The following ZDHHC7 variants were observed in gnomAD, a reference collection of about 807,000 sequenced individuals.
ZDHHC7 encodes zDHHC palmitoyltransferase 7.
A neutral mutation model predicts 34.1 loss-of-function variants in ZDHHC7; 12 were observed. The ratio of observed to expected loss-of-function variants is 0.35; its 90% CI spans 0.23 to 0.57. The LOEUF (loss-of-function observed/expected upper bound fraction) is 0.57. ZDHHC7 is among the 20% of genes least tolerant of loss of function. The pLI is 0.84. For missense variants in ZDHHC7, 388 were observed against 402.7 expected, an observed-to-expected ratio of 0.96 and a Z score of 0.31; for synonymous variants, 185 against 155.4, an observed-to-expected ratio of 1.19 and a Z score of -1.42.
intron 7 of ZDHHC7, among the ~76,000 whole-genome samples, chr16:84,976,855 A>C (rs999662855): frequency 6.6e-6 from 1 of 152,214 alleles, no homozygotes; most frequent in African/African-American, 2.4e-5. Context: ...AAATTTACTG[A>C]CTGCACTGGG....
chr16:84,992,928 T>G (rs576591097), intron 2 of ZDHHC7, among the ~76,000 whole-genome samples: 2 of 152,322 alleles, frequency 1.3e-5, no homozygotes, highest in Non-Finnish European at 2.9e-5. Flanking sequence ...CCAAATACTT[T>G]AAAAAATTTC....
At chr16:84,998,007 T>TC (rs1465542499) in intron 1 of ZDHHC7, among the ~76,000 whole-genome samples, 2 of 143,534 alleles carry the variant, frequency 1.4e-5, no homozygotes, top group Non-Finnish European at 3.0e-5. Context: ...GGGTCTGTAA[T>TC]CCCAGTACTT....
At chr16:85,011,669 T>G (rs1164638909), upstream of ZDHHC7, 4 of 152,266 alleles carry the variant, frequency 2.6e-5, no homozygotes, top group Middle Eastern at 0.01. Context: ...AAAGGCAGCT[T>G]TTAGTCACAG....
chr16:85,003,914 C>G (rs192999976), intron 1 of ZDHHC7, among the ~76,000 whole-genome samples: 26 of 152,280 alleles, frequency 1.7e-4, no homozygotes, highest in African/African-American at 6.3e-4. Context: ...TGACTGGATA[C>G]TTCTCCTCCA....
intron 1 of ZDHHC7, among the ~76,000 whole-genome samples, chr16:85,006,827 C>T (rs539070219): frequency 3.9e-5 from 6 of 152,274 alleles, no homozygotes; most frequent in African/African-American, 1.4e-4. Context: ...GCTCTCCCAA[C>T]CTTTCCAGGC....
intron 3 of ZDHHC7, among the ~76,000 whole-genome samples, chr16:84,982,522 T>C (rs1597535333): frequency 6.6e-6 from 1 of 152,316 alleles, no homozygotes; most frequent in East Asian, 1.9e-4. Flanking sequence ...ACCACTTCCC[T>C]GTAGCCCCTG....
Position 84,976,162 on chromosome 16 carries a change from A to T in ZDHHC7, c.*181T>A. On this transcript the variant is annotated 3_prime_UTR_variant, in exon 8 of 8. Transcript: ENST00000313732. Reference sequence around the variant, plus strand: ...CCTTTCCGTTGTTGTACAGGTGGGGACTGAGAGCCTCTTCCTCTGCCATCT... The same window carrying T: ...CCTTTCCGTTGTTGTACAGGTGGGGTCTGAGAGCCTCTTCCTCTGCCATCT... The T allele has an allele frequency of 1.3e-6, 1 of 757,964 alleles. No homozygotes were observed. The highest frequency in any genetic ancestry group is 2.7e-5 in the East Asian group (1 of 36,482). 47.0% of individuals were successfully genotyped at this position (757,964 alleles called of 1,614,324 possible). A position where few individuals can be genotyped will look rare whatever the true frequency, so the allele number is the denominator to read the frequency against.
chr16:84,976,343 T>A lies in ZDHHC7; in HGVS notation c.927A>T (p.Ter309CysextTer20), dbSNP rs145457662. 1 of 1,613,738 alleles carries A rather than the reference T, an allele frequency of 6.2e-7. No homozygotes were observed. The highest frequency in any genetic ancestry group is 8.5e-7 in the Non-Finnish European group (1 of 1,179,972). Residue 309 changes from the stop codon to cysteine (C), a stop_lost, in exon 8 of 8, where the codon TGA (stop) becomes TGT (cysteine). Transcript: ENST00000313732. ...PRKGGPEFSV[*>C] is the part of the protein sequence containing the mutation. ...AAGTTTCAGTCTGATGAGCCACGCC[T>A]CACACTGAGAACTCCGGGCCACCTT...
intron 3 of ZDHHC7, among the ~76,000 whole-genome samples, chr16:84,989,564 G>A (rs1425423027): frequency 6.6e-6 from 1 of 151,896 alleles, no homozygotes; most frequent in Non-Finnish European, 1.5e-5. Flanking sequence ...GCATGGTGGT[G>A]CATGCCTGTA....
chr16:85,008,641 G>C (rs143880798), intron 1 of ZDHHC7, among the ~76,000 whole-genome samples: 3 of 152,046 alleles, frequency 2.0e-5, no homozygotes, highest in African/African-American at 7.3e-5. Flanking sequence ...TGTTACAACC[G>C]AAGGGTCACA....
chr16:84,998,100 A>G (rs1448406164), intron 1 of ZDHHC7, among the ~76,000 whole-genome samples: 10 of 144,696 alleles, frequency 6.9e-5, no homozygotes, highest in Non-Finnish European at 1.1e-4. Flanking sequence ...CGTCTCTACT[A>G]AAAATAAAAA....
intron 1 of ZDHHC7, among the ~76,000 whole-genome samples, chr16:85,000,424 G>C (rs2072638680): frequency 1.3e-5 from 2 of 152,116 alleles, no homozygotes; most frequent in African/African-American, 4.8e-5. Flanking sequence ...AACAGAAAAT[G>C]TATTTCTCAG....
intron 1 of ZDHHC7, among the ~76,000 whole-genome samples, chr16:85,004,076 A>G (rs1254054439): frequency 1.3e-5 from 2 of 152,100 alleles, no homozygotes; most frequent in African/African-American, 4.8e-5. Context: ...ATGCATCCCT[A>G]AGGGCGTCTA....
At position 84,974,198 on chromosome 16, in the gene ZDHHC7, TTTA is replaced by T. The variant is rs1209587101; in HGVS notation, c.*2142_*2144del. The stretch of plus-strand genomic sequence containing the variant: ...ACTGTGGAGATTTTGAAACATTGTT[TTTA>T]TTTCAACGTGCACTAAAAAAAGGAC... On this transcript the variant is annotated 3_prime_UTR_variant, in exon 8 of 8. Transcript: ENST00000313732. 1.3e-5 allele frequency: 2 copies of T among 152,346 alleles called. No homozygotes were observed. Among genetic ancestry groups the T allele is most frequent in the African/African-American group, 4.8e-5 (2 of 41,572 alleles). The allele number at this position is 152,346 out of a possible 1,614,324, so 9.4% of individuals were successfully genotyped here. A position where few individuals can be genotyped will look rare whatever the true frequency, so the allele number is the denominator to read the frequency against.
intron 1 of ZDHHC7, among the ~76,000 whole-genome samples, chr16:85,008,487 G>C (rs114323381): frequency 0.022 from 3,229 of 147,910 alleles, 163 homozygotes; most frequent in African/African-American, 0.08. Context: ...GGTGGTTTTG[G>C]GAACCACCAC....
At chr16:84,982,213 C>G (rs2072379881) in intron 3 of ZDHHC7, 1 of 412,140 alleles carries the variant, frequency 2.4e-6, no homozygotes, top group South Asian at 2.3e-5. Flanking sequence ...GGCGCGGTGG[C>G]AGGCGCCTGT....
the ZDHHC7 span, among the ~76,000 whole-genome samples, chr16:85,027,356 G>C: frequency 1.3e-5 from 2 of 152,268 alleles, no homozygotes; most frequent in East Asian, 1.9e-4. Flanking sequence ...GCCGTAACTA[G>C]GGGATAGGGA....
the ZDHHC7 span, among the ~76,000 whole-genome samples, chr16:85,025,240 C>G: frequency 1.8e-4 from 28 of 151,422 alleles, 1 homozygote; most frequent in African/African-American, 6.6e-4. Context: ...CACTGCACTC[C>G]GGCCTGGGTG....
intron 1 of ZDHHC7, among the ~76,000 whole-genome samples, chr16:85,001,968 C>G (rs2072658970): frequency 6.6e-6 from 1 of 151,866 alleles, no homozygotes; most frequent in African/African-American, 2.4e-5. Flanking sequence ...CTTGTATTGC[C>G]AGAGAATAAT....
Sources: allele counts gnomAD v4.1 joint callset (sites outside exome capture counted in the v4.1 genomes callset), GRCh38; gene constraint gnomAD v4.1.1; transcripts MANE v1.5; gene names NCBI Gene and HGNC (gene_info 2026-07-23, HGNC 2026-07-21).